PCDHGA9: variants seen among roughly 807,000 people sequenced by gnomAD.
PCDHGA9 encodes the protein protocadherin gamma subfamily A, 9.
Under a neutral mutation model 62.5 loss-of-function variants are expected in PCDHGA9, and 37 were observed. The observed-to-expected ratio is 0.59, with a 90% CI of 0.46 to 0.78. PCDHGA9 has a LOEUF of 0.78. PCDHGA9 is among the 30% of genes least tolerant of loss of function. PCDHGA9 has a pLI of 0.00. For synonymous variants in PCDHGA9, 459 were observed against 484.6 expected (o/e 0.95, Z 0.69); for missense variants, 1,138 against 1,166.2 (o/e 0.98, Z 0.35).
Position 141,485,166 on chromosome 5 carries a change from C to T in PCDHGA9, c.2425-9641C>T, listed in dbSNP as rs1180453938. 2 of 1,606,374 alleles carry T rather than the reference C, an allele frequency of 1.2e-6. No individual in the cohort carries two copies. Among genetic ancestry groups the T allele is most frequent in the Non-Finnish European group, 8.5e-7 (1 of 1,174,214 alleles). ...CAGGAGCAAGTAGAGAATTAGCGGG[C>T]GGCAGCAATGCTCCGCAAGGTGAGA... On this transcript the variant is annotated intron_variant, in intron 1 of 3. Transcript: ENST00000573521. The surrounding 1 kb of genome is among the most constrained non-coding windows in gnomAD (Gnocchi z 5.7).
intron 1 of PCDHGA9, among the ~76,000 whole-genome samples, chr5:141,464,444 T>C (rs2099084887): frequency 6.6e-6 from 1 of 151,634 alleles, no homozygotes; most frequent in East Asian, 1.9e-4. Context: ...TGTTTGTTGT[T>C]GTTGTTGTTA....
At chr5:141,502,082 G>A (rs538827992) in intron 2 of PCDHGA9, among the ~76,000 whole-genome samples, 1 of 152,252 alleles carries the variant, frequency 6.6e-6, no homozygotes, top group Non-Finnish European at 1.5e-5. Flanking sequence ...ACCTGGGGCT[G>A]AGAACACCTG....
chr5:141,418,372 A>T (rs771262387), intron 1 of PCDHGA9: 25 of 1,613,968 alleles, frequency 1.5e-5, no homozygotes, highest in Non-Finnish European at 2.1e-5. Flanking sequence ...GCAAATACCA[A>T]CTAAGTCCTA....
At chr5:141,422,480 G>A in intron 1 of PCDHGA9, 2 of 1,613,906 alleles carry the variant, frequency 1.2e-6, no homozygotes, top group South Asian at 2.2e-5. Flanking sequence ...TTGGTCCAGA[G>A]CTACAATATA....
In PCDHGA9 at chr5:141,404,075, G is replaced by C. The variant is rs2154534954; in HGVS notation, c.1123G>C (p.Asp375His). The C allele has an allele frequency of 1.2e-6, 2 of 1,613,660 alleles. No homozygotes were observed. The highest frequency in any genetic ancestry group is 2.2e-5 in the East Asian group (1 of 44,882). Residue 375 changes from aspartate (D) to histidine (H), a missense_variant, in exon 1 of 4, where the codon GAC (aspartate) becomes CAC (histidine). Coordinates refer to ENST00000573521, the MANE Select transcript of PCDHGA9 (RefSeq NM_018921.3). The stretch of plus-strand genomic sequence containing the variant: ...TCTTCTTTTCAATGCTCATGACCGA[G>C]ACTCCGGGAAGAATGGTCAAGTTGT... Reference protein sequence around the residue: ...VILLFNAHDRDSGKNGQVVCS... With the variant: ...VILLFNAHDRHSGKNGQVVCS...
In PCDHGA9 at chr5:141,476,857, C is replaced by G. The variant is rs201408987; in HGVS notation, c.2425-17950C>G. The G allele has an allele frequency of 3.1e-6, 5 of 1,613,886 alleles. No individual in the cohort carries two copies. Among genetic ancestry groups the G allele is most frequent in the Non-Finnish European group, 4.2e-6 (5 of 1,180,046 alleles). On this transcript the variant is annotated intron_variant, in intron 1 of 3. Coordinates refer to ENST00000573521, the MANE Select transcript of PCDHGA9 (RefSeq NM_018921.3). This position sits in a 1 kb window ranked among gnomAD's most constrained non-coding sequence, Gnocchi z 7.6. Reference sequence around the variant, plus strand: ...ACAATGCGCCTGTCTTCAACCAGTCCTTGTACCGGGCGCGCGTCCTGGAGG... The same window carrying G: ...ACAATGCGCCTGTCTTCAACCAGTCGTTGTACCGGGCGCGCGTCCTGGAGG...
intron 1 of PCDHGA9, chr5:141,415,863 G>T (rs1321470910): frequency 2.7e-5 from 30 of 1,107,154 alleles, no homozygotes; most frequent in Non-Finnish European, 3.6e-5. Context: ...GTAGTTTATA[G>T]TGTTGTTGAG....
rs200533514 is a variant in PCDHGA9 at position 141,476,315 on chromosome 5, C to T, written c.2425-18492C>T. On this transcript the variant is annotated intron_variant, in intron 1 of 3. Transcript: ENST00000573521. This position sits in a 1 kb window ranked among gnomAD's most constrained non-coding sequence, Gnocchi z 7.6. The stretch of plus-strand genomic sequence containing the variant: ...CGGTAGCCTCTCAGCCCGCAGGTTC[C>T]GGGTGGTGTCTGGAGCTAGCCGAAG... 264 of 1,613,910 alleles carry T rather than the reference C, an allele frequency of 1.6e-4. No homozygotes were observed. The highest frequency in any genetic ancestry group is 2.1e-4 in the Non-Finnish European group (248 of 1,180,024).
chr5:141,428,055 G>C (rs1232516220), intron 1 of PCDHGA9: 8 of 1,608,952 alleles, frequency 5.0e-6, no homozygotes, highest in African/African-American at 1.3e-5. Context: ...CAAGGTGGTG[G>C]CGGTGGACGC....
rs756243026 is a variant in PCDHGA9, at chr5:141,487,478, T to C, written c.2425-7329T>C. On this transcript the variant is annotated intron_variant, in intron 1 of 3. Transcript: ENST00000573521. This position sits in a 1 kb window ranked among gnomAD's most constrained non-coding sequence, Gnocchi z 5.0. ...CAAGTTTGTTGATGTGGGAGGCCAC[T>C]CTCATGGCTGTACACCCTTGGCTTC... is the stretch of plus-strand genomic sequence containing the variant. 6 of 1,614,078 alleles carry C rather than the reference T, an allele frequency of 3.7e-6. No individual in the cohort carries two copies. In the Admixed American group the frequency reaches 1.0e-4, roughly 27 times the overall value.
At chr5:141,405,672 G>C (rs755545370) in intron 1 of PCDHGA9, among the ~76,000 whole-genome samples, 3 of 152,024 alleles carry the variant, frequency 2.0e-5, no homozygotes, top group Non-Finnish European at 4.4e-5. Flanking sequence ...GAGACGGGGT[G>C]TCACCATGTT....
At chr5:141,412,145 C>T (rs1335929166) in intron 1 of PCDHGA9, 1 of 152,210 alleles carries the variant, frequency 6.6e-6, no homozygotes, top group East Asian at 1.9e-4. Context: ...CTGATACAAA[C>T]TGCCTAAGAG....
chr5:141,472,980 C>CAAAAAAAAAAAAAAAAAAGAAAAAAAA (rs60579131), intron 1 of PCDHGA9, among the ~76,000 whole-genome samples: 1 of 86,106 alleles, frequency 1.2e-5, no homozygotes, highest in Non-Finnish European at 2.5e-5. Flanking sequence ...GAGTGAAACT[C>CAAAAAAAAAAAAAAAAAAGAAAAAAAA]AAAAAAAAAA....
intron 1 of PCDHGA9, chr5:141,414,124 G>T (rs1214312992): frequency 6.3e-7 from 1 of 1,592,872 alleles, no homozygotes; most frequent in East Asian, 2.3e-5. Flanking sequence ...TGAAGAAACC[G>T]GTTTCTATGA....
In PCDHGA9 at chr5:141,477,815, G is replaced by C; in HGVS notation, c.2425-16992G>C. On this transcript the variant is annotated intron_variant, in intron 1 of 3. Coordinates refer to ENST00000573521, the MANE Select transcript of PCDHGA9 (RefSeq NM_018921.3). The surrounding 1 kb of genome is among the most constrained non-coding windows in gnomAD (Gnocchi z 4.9). ...TGATCGCAATGACAATGCCCCCCAG[G>C]TCCTATATCCTCGGCCAGGTGGGAG... 1 of 1,614,106 alleles carries C rather than the reference G, an allele frequency of 6.2e-7. No homozygotes were observed. Among genetic ancestry groups the C allele is most frequent in the Non-Finnish European group, 8.5e-7 (1 of 1,180,034 alleles).
intron 1 of PCDHGA9, chr5:141,419,367 C>T (rs1157934416): frequency 6.2e-7 from 1 of 1,613,652 alleles, no homozygotes; most frequent in Admixed American, 1.7e-5. Context: ...ACGCTGTCGT[C>T]CTACGTGTCC....
chr5:141,493,204 C>T lies in PCDHGA9; in HGVS notation c.2425-1603C>T, dbSNP rs2099746929. Among the ~76,000 whole-genome samples, 1 of 152,216 alleles carries T rather than the reference C, an allele frequency of 6.6e-6. No individual in the cohort carries two copies. Among genetic ancestry groups the T allele is most frequent in the Non-Finnish European group, 1.5e-5 (1 of 68,042 alleles). Reference sequence around the variant, plus strand: ...TATATAACTCCTTTGAGAACCTCATCTCATTTGCTCTTCCCACCATTGCTG... The same window carrying T: ...TATATAACTCCTTTGAGAACCTCATTTCATTTGCTCTTCCCACCATTGCTG... On this transcript the variant is annotated intron_variant, in intron 1 of 3. Transcript: ENST00000573521. This position sits in a 1 kb window ranked among gnomAD's most constrained non-coding sequence, Gnocchi z 4.3.
chr5:141,467,672 AT>A (rs1199631144), intron 1 of PCDHGA9, among the ~76,000 whole-genome samples: 1 of 151,634 alleles, frequency 6.6e-6, no homozygotes, highest in Non-Finnish European at 1.5e-5. Context: ...GAAGATTTTT[AT>A]TTTTTTTAGA....
chr5:141,461,269 TTC>T (rs1316205976), intron 1 of PCDHGA9, among the ~76,000 whole-genome samples: 4 of 152,186 alleles, frequency 2.6e-5, no homozygotes, highest in Admixed American at 2.0e-4. Flanking sequence ...TGTGTAAGTG[TTC>T]TCTTTTCCCC....
Sources: allele counts gnomAD v4.1 joint callset (sites outside exome capture counted in the v4.1 genomes callset), GRCh38; gene constraint gnomAD v4.1.1; non-coding constraint Gnocchi (gnomAD v3.1); transcripts MANE v1.5; gene names NCBI Gene and HGNC (gene_info 2026-07-23, HGNC 2026-07-21).